IRF8: variants seen among roughly 807,000 people sequenced by gnomAD.
The protein encoded by IRF8 is interferon consensus sequence binding protein 1.
Under a neutral mutation model 48.7 loss-of-function variants are expected in IRF8, and 14 were observed. The observed-to-expected ratio is 0.29, with a 90% CI of 0.19 to 0.45. The LOEUF is 0.45. IRF8 is among the 20% of genes least tolerant of loss of function. The probability of loss-of-function intolerance (pLI) is 1.00; values close to 1 mark genes in which losing one functional copy is unlikely to be tolerated. For missense variants in IRF8, 493 were observed against 580.7 expected (o/e 0.85, Z 1.55); for synonymous variants, 278 against 227.3 (o/e 1.22, Z -2.01).
chr16:85,914,160 G>T (rs772985901), intron 5 of IRF8: 13 of 428,728 alleles, frequency 3.0e-5, no homozygotes, highest in Non-Finnish European at 5.3e-5. Context: ...GCAGTCCAGT[G>T]GTATTCTGGG....
At chr16:85,912,372 G>A (rs2152101748) in intron 4 of IRF8, among the ~76,000 whole-genome samples, 1 of 152,378 alleles carries the variant, frequency 6.6e-6, no homozygotes, top group Non-Finnish European at 1.5e-5. Flanking sequence ...AAAAGGTTGT[G>A]TGTGAGTACT....
In IRF8 at chr16:85,920,093, G is replaced by C; in HGVS notation, c.989-16G>C. On this transcript the variant is annotated splice_polypyrimidine_tract_variant and intron_variant, in intron 7 of 8. Transcript: ENST00000268638. The stretch of plus-strand genomic sequence containing the variant: ...TCGGCCTTGCTTGCAAACACCCTCT[G>C]CCTGTGTCATTCCAGAGCTGCAGCA... 6.3e-7 allele frequency: 1 copy of C among 1,597,176 alleles called. No homozygotes were observed. Among genetic ancestry groups the C allele is most frequent in the Non-Finnish European group, 8.6e-7 (1 of 1,164,674 alleles).
At chr16:85,901,006 C>G (rs1904809279) in intron 1 of IRF8, 1 of 152,194 alleles carries the variant, frequency 6.6e-6, no homozygotes, top group South Asian at 2.1e-4. Flanking sequence ...CAGAAGCCAA[C>G]CCCTATGTTG....
intron 2 of IRF8, among the ~76,000 whole-genome samples, chr16:85,906,640 G>A (rs918626303): frequency 2.0e-5 from 3 of 152,232 alleles, no homozygotes; most frequent in African/African-American, 4.8e-5. Context: ...TGCAGGCACC[G>A]CGGTTGCGTA....
chr16:85,914,186 T>G (rs1905227783), intron 5 of IRF8: 2 of 477,304 alleles, frequency 4.2e-6, no homozygotes, highest in Non-Finnish European at 7.7e-6. Flanking sequence ...GTGCTTGAGG[T>G]GGGAAGGAAA....
In IRF8 at chr16:85,921,168, T is replaced by G; in HGVS notation, c.1167T>G (p.Ser389=). The stretch of plus-strand genomic sequence containing the variant: ...CTGGGAAGAGCTGTGGAGCCGGCTC[T>G]GTGATGCAGGCCCCCGAGGAGCCGC... ...EEAGKSCGAG[S]VMQAPEEPPP... The change falls in exon 9 of 9, where the codon TCT becomes TCG. Residue 389 remains serine (S), a synonymous_variant. Transcript: ENST00000268638. 6.2e-7 allele frequency: 1 copy of G among 1,614,222 alleles called. No individual in the cohort carries two copies. Among genetic ancestry groups the G allele is most frequent in the Non-Finnish European group, 8.5e-7 (1 of 1,180,042 alleles).
intron 8 of IRF8, 67 bp from the exon 9 acceptor site, chr16:85,921,039 C>T: frequency 6.6e-7 from 1 of 1,514,860 alleles, no homozygotes; most frequent in Non-Finnish European, 9.0e-7. Flanking sequence ...TGGCTAGGGT[C>T]AAAGACAGTG....
chr16:85,914,921 G>A (rs1321786329), intron 6 of IRF8, among the ~76,000 whole-genome samples: 3 of 152,214 alleles, frequency 2.0e-5, no homozygotes, highest in Non-Finnish European at 2.9e-5. Flanking sequence ...TCTTGGACTG[G>A]ACCAGCAAGT....
At position 85,915,749 on chromosome 16, in the gene IRF8, A is replaced by G. The variant is rs549035300; in HGVS notation, c.601+1229A>G. Among the ~76,000 whole-genome samples the G allele has an allele frequency of 6.6e-4, 100 of 152,164 alleles. 1 individual carries two copies. In the South Asian group the frequency reaches 1.0e-2, roughly 15 times the overall value. ...GCTATGGCCTGGGAGTCTGCTGACC[A>G]GTGCTTTCCGGGGGCTGTGGAGTAG... On this transcript the variant is annotated intron_variant, in intron 6 of 8. Coordinates refer to ENST00000268638, the MANE Select transcript of IRF8 (RefSeq NM_002163.4).
Position 85,921,444 on chromosome 16 carries a change from T to G in IRF8, c.*162T>G. ...CATTCTCGGAGGAGTAGACGTTTAA[T>G]ACGAAGTGGCGGCATAGCCCTGCCG... On this transcript the variant is annotated 3_prime_UTR_variant, in exon 9 of 9. Coordinates refer to ENST00000268638, the MANE Select transcript of IRF8 (RefSeq NM_002163.4). The G allele has an allele frequency of 1.3e-6, 1 of 779,794 alleles. No individual in the cohort carries two copies. Among genetic ancestry groups the G allele is most frequent in the Admixed American group, 2.1e-5 (1 of 48,380 alleles). The allele number at this position is 779,794 out of a possible 1,614,324, so 48.3% of individuals were successfully genotyped here.
intron 4 of IRF8, among the ~76,000 whole-genome samples, chr16:85,911,879 C>T (rs144994682): frequency 6.6e-6 from 1 of 152,370 alleles, no homozygotes; most frequent in Non-Finnish European, 1.5e-5. Flanking sequence ...CGCCAGATCC[C>T]TCCTTCATCC....
chr16:85,917,193 G>T (rs534766411), intron 6 of IRF8, among the ~76,000 whole-genome samples: 1 of 152,202 alleles, frequency 6.6e-6, no homozygotes, highest in South Asian at 2.1e-4. Flanking sequence ...GCGCCGTGGA[G>T]TTAGGCACCT....
At chr16:85,915,055 A>G (rs996563309) in intron 6 of IRF8, among the ~76,000 whole-genome samples, 1 of 152,216 alleles carries the variant, frequency 6.6e-6, no homozygotes, top group Admixed American at 6.5e-5. Context: ...TCAGAGCCTC[A>G]TCTCAGGCTC....
chr16:85,920,137 C>T lies in IRF8; in HGVS notation c.1017C>T (p.Gly339=). 2 of 1,612,456 alleles carry T rather than the reference C, an allele frequency of 1.2e-6. No individual in the cohort carries two copies. Residue 339 remains glycine, a synonymous_variant, in exon 8 of 9, where the codon GGC becomes GGT. Coordinates refer to ENST00000268638, the MANE Select transcript of IRF8 (RefSeq NM_002163.4). ...TGCAGCAGTTCTATAACAGCCAGGGCCGGCTTCCTGACGGCAGGGTGGTGC... is the reference window on the plus strand; with the variant it reads ...TGCAGCAGTTCTATAACAGCCAGGGTCGGCTTCCTGACGGCAGGGTGGTGC... ...RELQQFYNSQ[G]RLPDGRVVLC...
At position 85,922,557 on chromosome 16, in the gene IRF8, G is replaced by A. The variant is rs1001821192; in HGVS notation, c.*1275G>A. ...ATTTATTTTTGTATCCATTAAAACA[G>A]TATATTGATCTCTTTTATTCTTTAT... is the stretch of plus-strand genomic sequence containing the variant. On this transcript the variant is annotated 3_prime_UTR_variant, in exon 9 of 9. Transcript: ENST00000268638. 4.6e-5 allele frequency: 7 copies of A among 152,232 alleles called. No individual in the cohort carries two copies. Among genetic ancestry groups the A allele is most frequent in the African/African-American group, 1.7e-4 (7 of 41,420 alleles). 9.4% of individuals were successfully genotyped at this position (152,232 alleles called of 1,614,324 possible). A position where few individuals can be genotyped will look rare whatever the true frequency, so the allele number is the denominator to read the frequency against.
chr16:85,908,590 C>A (rs1272710073), intron 2 of IRF8, among the ~76,000 whole-genome samples: 2 of 152,200 alleles, frequency 1.3e-5, no homozygotes, highest in Non-Finnish European at 2.9e-5. Flanking sequence ...GAAAAAGCAA[C>A]AACTTGTTCT....
intron 8 of IRF8, 94 bp from the exon 9 acceptor site, chr16:85,921,011 TG>T: frequency 1.6e-6 from 2 of 1,254,282 alleles, no homozygotes; most frequent in Non-Finnish European, 1.1e-6. Flanking sequence ...CACGTGGCAC[TG>T]GGGTCATCAG....
At chr16:85,902,247 T>C (rs1597248537) in intron 1 of IRF8, among the ~76,000 whole-genome samples, 1 of 152,104 alleles carries the variant, frequency 6.6e-6, no homozygotes, top group East Asian at 1.9e-4. Flanking sequence ...GGAAGGAAGT[T>C]TGGATAATAA....
intron 3 of IRF8, 62 bp from the exon 4 acceptor site, chr16:85,911,508 C>A (rs1905140889): frequency 7.4e-7 from 1 of 1,345,534 alleles, no homozygotes; most frequent in African/African-American, 1.4e-5. Context: ...TAGATTATGG[C>A]TTCAGCAAAG....
Sources: allele counts gnomAD v4.1 joint callset (sites outside exome capture counted in the v4.1 genomes callset), GRCh38; gene constraint gnomAD v4.1.1; transcripts MANE v1.5; gene names NCBI Gene and HGNC (gene_info 2026-07-23, HGNC 2026-07-21).